Variants in PRDM16 observed in about 807,000 individuals in gnomAD.
PRDM16 encodes the protein histone-lysine N-methyltransferase PRDM16.
PRDM16 carries 23 observed loss-of-function variants against 110.6 expected under a neutral mutation model. That is an observed-to-expected ratio of 0.21 (90% confidence interval 0.15 to 0.29). The LOEUF (loss-of-function observed/expected upper bound fraction) is 0.29. PRDM16 is among the 10% of genes least tolerant of loss of function. PRDM16 has a pLI of 1.00. For missense variants in PRDM16, 1,615 were observed against 1,794.3 expected (o/e 0.90, Z 1.81); for synonymous variants, 799 against 781.8 (o/e 1.02, Z -0.37).
intron 4 of PRDM16, among the ~76,000 whole-genome samples, chr1:3,394,997 C>T (rs1300970503): frequency 6.6e-6 from 1 of 152,220 alleles, no homozygotes; most frequent in East Asian, 1.9e-4. Context: ...GGGAACTTCA[C>T]ACACTACTGA....
chr1:3,286,837 CAT>C (rs1557582471), intron 3 of PRDM16, among the ~76,000 whole-genome samples: 18 of 151,740 alleles, frequency 1.2e-4, no homozygotes, highest in African/African-American at 4.3e-4. Flanking sequence ...GGATGGAAAG[CAT>C]GGGACTCAAA....
At chr1:3,108,841 G>A (rs1416447401) in intron 1 of PRDM16, among the ~76,000 whole-genome samples, 1 of 151,950 alleles carries the variant, frequency 6.6e-6, no homozygotes, top group Non-Finnish European at 1.5e-5. Context: ...CCCAAAAGGT[G>A]CTGGCAAATT....
intron 1 of PRDM16, among the ~76,000 whole-genome samples, chr1:3,177,318 C>CATGTT (rs1644101992): frequency 6.6e-6 from 1 of 152,200 alleles, no homozygotes; most frequent in South Asian, 2.1e-4. Context: ...ATGACGAAGG[C>CATGTT]CCTTACTGAC....
chr1:3,279,177 G>A (rs955479248), intron 3 of PRDM16, among the ~76,000 whole-genome samples: 1 of 152,202 alleles, frequency 6.6e-6, no homozygotes, highest in Non-Finnish European at 1.5e-5. Flanking sequence ...TCGAAGCGTC[G>A]CTCACCATGC....
chr1:3,102,939 T>C (rs1241760941), intron 1 of PRDM16, among the ~76,000 whole-genome samples: 3 of 152,164 alleles, frequency 2.0e-5, no homozygotes, highest in Non-Finnish European at 4.4e-5. Flanking sequence ...GTGATGTGAG[T>C]CTGAATGTAT....
At chr1:3,292,725 AG>A (rs966544568) in intron 3 of PRDM16, among the ~76,000 whole-genome samples, 12 of 152,084 alleles carry the variant, frequency 7.9e-5, no homozygotes, top group African/African-American at 2.4e-4. Flanking sequence ...CCCAGGAGAC[AG>A]GGGTCACGGA....
At chr1:3,221,731 A>G (rs1028891759) in intron 2 of PRDM16, among the ~76,000 whole-genome samples, 8 of 152,178 alleles carry the variant, frequency 5.3e-5, no homozygotes, top group Non-Finnish European at 7.3e-5. Flanking sequence ...ACACACATAC[A>G]CATGCACAGA....
intron 1 of PRDM16, among the ~76,000 whole-genome samples, chr1:3,111,138 C>G (rs926102293): frequency 6.6e-6 from 1 of 152,146 alleles, no homozygotes; most frequent in Non-Finnish European, 1.5e-5. Context: ...CCAGGGCAGG[C>G]CCCTAGGACC....
At chr1:3,391,194 G>A (rs1157354744) in intron 4 of PRDM16, among the ~76,000 whole-genome samples, 1 of 152,102 alleles carries the variant, frequency 6.6e-6, no homozygotes, top group Admixed American at 6.6e-5. Flanking sequence ...AGGCAGGCAG[G>A]AGCCTCCCAC....
chr1:3,437,920 G>C lies in PRDM16; in HGVS notation c.*4109G>C, dbSNP rs1638951549. On this transcript the variant is annotated 3_prime_UTR_variant, in exon 17 of 17. Coordinates refer to ENST00000270722, the MANE Select transcript of PRDM16 (RefSeq NM_022114.4). ...GTCAGAGTCGTAATTTAAAGCGTGT[G>C]TGTATATGGACTTTGTCCCTTAAGG... 5 of 220,410 alleles carry C rather than the reference G, an allele frequency of 2.3e-5. No individual in the cohort carries two copies. The highest frequency in any genetic ancestry group is 3.6e-5 in the Non-Finnish European group (4 of 109,878). 13.7% of individuals were successfully genotyped at this position (220,410 alleles called of 1,614,324 possible).
At chr1:3,269,793 AGAGGAGGACAGTCCCAGAGAATGACAGG>A (rs1640391938) in intron 3 of PRDM16, among the ~76,000 whole-genome samples, 2 of 101,946 alleles carry the variant, frequency 2.0e-5, no homozygotes, top group Admixed American at 2.0e-4. Context: ...GGAAAGTCTC[AGAGGAGGACAGTCCCAGAGAATGACAGG>A]GAGGAGGACA....
chr1:3,426,879 G>A (rs1256203284), intron 14 of PRDM16, among the ~76,000 whole-genome samples: 5 of 152,184 alleles, frequency 3.3e-5, no homozygotes, highest in African/African-American at 9.7e-5. Flanking sequence ...TCCAGGAACT[G>A]TGTGCTCTGC....
chr1:3,147,940 G>T (rs1266454192), intron 1 of PRDM16, among the ~76,000 whole-genome samples: 2 of 152,144 alleles, frequency 1.3e-5, no homozygotes, highest in Non-Finnish European at 2.9e-5. Context: ...CCCTCACTGC[G>T]CTGACAGTCT....
chr1:3,105,298 A>G (rs1438671530), intron 1 of PRDM16, among the ~76,000 whole-genome samples: 1 of 151,870 alleles, frequency 6.6e-6, no homozygotes, highest in Non-Finnish European at 1.5e-5. Context: ...CAGCTCTGAC[A>G]CCCCGCTTCC....
intron 3 of PRDM16, among the ~76,000 whole-genome samples, chr1:3,264,323 C>T (rs573375887): frequency 5.3e-5 from 8 of 151,932 alleles, no homozygotes; most frequent in Non-Finnish European, 8.8e-5. Flanking sequence ...CCAAGGACCC[C>T]GGGCCAGAAG....
At chr1:3,249,446 C>T (rs1639873638) in intron 3 of PRDM16, among the ~76,000 whole-genome samples, 2 of 151,694 alleles carry the variant, frequency 1.3e-5, no homozygotes, top group Non-Finnish European at 2.9e-5. Context: ...AGGTTCAGAC[C>T]GCCTTTTCCC....
Position 3,421,222 on chromosome 1 carries a change from C to G in PRDM16, c.2939+2478C>G, listed in dbSNP as rs866221289. Among the ~76,000 whole-genome samples, 5 of 152,276 alleles carry G rather than the reference C, an allele frequency of 3.3e-5. No homozygotes were observed. In the South Asian group the frequency reaches 8.3e-4, roughly 25 times the overall value. ...GTGGCTGCAGGAGACCTCACTGGAT[C>G]CTAGGAAGGATGCCGCTGCCCAGTG... On this transcript the variant is annotated intron_variant, in intron 12 of 16. Coordinates refer to ENST00000270722, the MANE Select transcript of PRDM16 (RefSeq NM_022114.4).
intron 2 of PRDM16, among the ~76,000 whole-genome samples, chr1:3,221,097 T>A (rs1639140856): frequency 6.6e-6 from 1 of 152,198 alleles, no homozygotes; most frequent in Non-Finnish European, 1.5e-5. Context: ...CCTTGGAATT[T>A]CAGCTGGCCA....
intron 10 of PRDM16, 91 bp from the exon 11 acceptor site, chr1:3,417,737 T>C (rs1031217469): frequency 9.2e-7 from 1 of 1,089,702 alleles, no homozygotes; most frequent in Non-Finnish European, 1.4e-6. Flanking sequence ...CACCCTAAGA[T>C]ATGCTGTTGT....
Sources: allele counts gnomAD v4.1 joint callset (sites outside exome capture counted in the v4.1 genomes callset), GRCh38; gene constraint gnomAD v4.1.1; transcripts MANE v1.5; gene names NCBI Gene and HGNC (gene_info 2026-07-23, HGNC 2026-07-21).